Variants in ITGA9 observed in about 807,000 individuals in gnomAD.
ITGA9 encodes integrin alpha-9.
Under a neutral mutation model 127.8 loss-of-function variants are expected in ITGA9, and 56 were observed. That is an observed-to-expected ratio of 0.44 (90% confidence interval 0.35 to 0.55). The LOEUF is 0.55. Ranked by LOEUF, ITGA9 falls within the 20% of genes least tolerant of loss-of-function variation. The pLI, the probability that ITGA9 is intolerant of heterozygous loss-of-function variation, is 0.00. For missense variants in ITGA9, 1,196 were observed against 1,347.1 expected (o/e 0.89, Z 1.76); for synonymous variants, 508 against 514.5 (o/e 0.99, Z 0.17).
chr3:37,690,835 A>C (rs757922666), intron 18 of ITGA9, among the ~76,000 whole-genome samples: 8 of 152,112 alleles, frequency 5.3e-5, no homozygotes, highest in Non-Finnish European at 1.0e-4. Flanking sequence ...TAGGGGGTTG[A>C]AGTGATATAG....
intron 15 of ITGA9, among the ~76,000 whole-genome samples, chr3:37,566,935 G>T (rs1699552679): frequency 6.6e-6 from 1 of 152,176 alleles, no homozygotes; most frequent in African/African-American, 2.4e-5. Context: ...TGAGTCATGT[G>T]ACATTCCATG....
intron 2 of ITGA9, 110 bp from the exon 3 acceptor site, chr3:37,473,244 A>G (rs1231939264): frequency 4.0e-6 from 3 of 758,744 alleles, no homozygotes; most frequent in Admixed American, 2.0e-5. Context: ...GTTGATTTAC[A>G]TTTTGTGGAA....
At position 37,771,540 on chromosome 3, in the gene ITGA9, C is replaced by T. The variant is rs60145576; in HGVS notation, c.2542-5852C>T. ...TAGCAGGCAGAGCTAGGGCTGAAGC[C>T]AGGACTATTGAGTATTCATCAAGAG... is the stretch of plus-strand genomic sequence containing the variant. On this transcript the variant is annotated intron_variant, in intron 23 of 27. Coordinates refer to ENST00000264741, the MANE Select transcript of ITGA9 (RefSeq NM_002207.3). 9.9e-3 allele frequency among the ~76,000 whole-genome samples: 1,501 copies of T among 152,260 alleles called. 21 individuals are homozygous for T. The highest frequency in any genetic ancestry group is 0.034 in the African/African-American group (1,400 of 41,538).
At chr3:37,810,116 C>G (rs1429949831) in intron 27 of ITGA9, among the ~76,000 whole-genome samples, 1 of 152,192 alleles carries the variant, frequency 6.6e-6, no homozygotes, top group Non-Finnish European at 1.5e-5. Flanking sequence ...CTTGAATGTC[C>G]TTCTAGAGTA....
chr3:37,572,249 C>T (rs902904120), intron 15 of ITGA9, among the ~76,000 whole-genome samples: 8 of 151,968 alleles, frequency 5.3e-5, no homozygotes, highest in Non-Finnish European at 1.2e-4. Flanking sequence ...TTTGTTTCTT[C>T]GAGGGAGCTT....
intron 15 of ITGA9, among the ~76,000 whole-genome samples, chr3:37,612,967 T>G (rs971434262): frequency 6.6e-6 from 1 of 152,062 alleles, no homozygotes; most frequent in Non-Finnish European, 1.5e-5. Context: ...TTCTTTTTTT[T>G]TTTTTTTAAT....
At chr3:37,798,430 TC>T (rs1697199838) in intron 26 of ITGA9, among the ~76,000 whole-genome samples, 1 of 152,200 alleles carries the variant, frequency 6.6e-6, no homozygotes, top group Non-Finnish European at 1.5e-5. Context: ...CCCTTTCTAC[TC>T]AAAGTGTGGT....
intron 23 of ITGA9, among the ~76,000 whole-genome samples, chr3:37,750,952 C>T (rs2125538150): frequency 6.6e-6 from 1 of 152,316 alleles, no homozygotes; most frequent in Admixed American, 6.5e-5. Flanking sequence ...GCATTGCTCT[C>T]TATAGGGGCA....
rs896258333 is a variant in ITGA9 at position 37,597,816 on chromosome 3, A to G, written c.1690-31371A>G. Among the ~76,000 whole-genome samples, 2 of 152,222 alleles carry G rather than the reference A, an allele frequency of 1.3e-5. No individual in the cohort carries two copies. Among genetic ancestry groups the G allele is most frequent in the Admixed American group, 6.5e-5 (1 of 15,282 alleles). On this transcript the variant is annotated intron_variant, in intron 15 of 27. Transcript: ENST00000264741. The surrounding 1 kb of genome is among the most constrained non-coding windows in gnomAD (Gnocchi z 4.6). The stretch of plus-strand genomic sequence containing the variant: ...CTGCTGATTTGGGCAGGGCTTGTTC[A>G]TATAGCTAGGGGTCAGCTAGCTGTT...
intron 4 of ITGA9, among the ~76,000 whole-genome samples, chr3:37,482,708 CT>C (rs1488249314): frequency 6.6e-6 from 1 of 152,116 alleles, no homozygotes; most frequent in African/African-American, 2.4e-5. Context: ...AGGTAGGGTG[CT>C]CTGGGAAACG....
Position 37,820,748 on chromosome 3 carries a change from A to C in ITGA9, c.*1759A>C, listed in dbSNP as rs558294406. The C allele has an allele frequency of 6.6e-6, 1 of 152,328 alleles. No individual in the cohort carries two copies. Among genetic ancestry groups the C allele is most frequent in the East Asian group, 1.9e-4 (1 of 5,182 alleles). The allele number at this position is 152,328 out of a possible 1,614,324, so 9.4% of individuals were successfully genotyped here. ...TGGGGCTAAGAGCAGGGTCTAACGG[A>C]GTCTTAATGGCTTATTACAGCCTGC... On this transcript the variant is annotated 3_prime_UTR_variant, in exon 28 of 28. Coordinates refer to ENST00000264741, the MANE Select transcript of ITGA9 (RefSeq NM_002207.3).
In ITGA9 at chr3:37,559,487, G is replaced by A. The variant is rs189708755; in HGVS notation, c.1689+16902G>A. On this transcript the variant is annotated intron_variant, in intron 15 of 27. Coordinates refer to ENST00000264741, the MANE Select transcript of ITGA9 (RefSeq NM_002207.3). ...CACTGAAAAATACGCAAATGCATCA[G>A]AAGAGTCCTCTGTAAATCCACTGAG... Among the ~76,000 whole-genome samples, 224 of 152,304 alleles carry A rather than the reference G, an allele frequency of 1.5e-3. 1 individual carries two copies. The highest frequency in any genetic ancestry group is 5.2e-3 in the African/African-American group (217 of 41,546).
intron 4 of ITGA9, among the ~76,000 whole-genome samples, chr3:37,493,382 GTA>G (rs1448066232): frequency 2.0e-5 from 3 of 152,178 alleles, no homozygotes; most frequent in Non-Finnish European, 4.4e-5. Flanking sequence ...CCAGGGGGTG[GTA>G]CAGGGTCACT....
intron 16 of ITGA9, among the ~76,000 whole-genome samples, chr3:37,639,890 T>C (rs1424714972): frequency 1.3e-5 from 2 of 152,120 alleles, no homozygotes; most frequent in Non-Finnish European, 2.9e-5. Context: ...AAGGGAGCAA[T>C]GCTGTCCTTG....
chr3:37,485,852 C>G (rs892957178), intron 4 of ITGA9, among the ~76,000 whole-genome samples: 2 of 152,170 alleles, frequency 1.3e-5, no homozygotes, highest in African/African-American at 4.8e-5. Context: ...ACTCATGGAG[C>G]ATATCCTTCA....
intron 1 of ITGA9, among the ~76,000 whole-genome samples, chr3:37,461,749 C>G (rs951912589): frequency 2.6e-5 from 4 of 152,184 alleles, no homozygotes; most frequent in African/African-American, 9.7e-5. Context: ...TACACCCTGT[C>G]TGCTTCCAAA....
At chr3:37,465,830 G>C (rs1698363948) in intron 1 of ITGA9, among the ~76,000 whole-genome samples, 1 of 152,076 alleles carries the variant, frequency 6.6e-6, no homozygotes. Context: ...GCTCAGGTGG[G>C]GATTACATAT....
chr3:37,520,441 A>G (rs776611140), intron 11 of ITGA9, among the ~76,000 whole-genome samples: 2 of 152,198 alleles, frequency 1.3e-5, no homozygotes, highest in Non-Finnish European at 2.9e-5. Context: ...TAACTTGCCC[A>G]AGGTCATAAG....
At chr3:37,742,732 G>A (rs1696453610) in intron 21 of ITGA9, among the ~76,000 whole-genome samples, 1 of 152,166 alleles carries the variant, frequency 6.6e-6, no homozygotes, top group African/African-American at 2.4e-5. Flanking sequence ...TTGATCCCTT[G>A]CAGGGAGAGC....
Sources: allele counts gnomAD v4.1 joint callset (sites outside exome capture counted in the v4.1 genomes callset), GRCh38; gene constraint gnomAD v4.1.1; non-coding constraint Gnocchi (gnomAD v3.1); transcripts MANE v1.5; gene names NCBI Gene and HGNC (gene_info 2026-07-23, HGNC 2026-07-21).